Variants in ELMO1 observed in about 807,000 individuals in gnomAD.
ELMO1 encodes engulfment and cell motility 1.
Under a neutral mutation model 98.9 loss-of-function variants are expected in ELMO1, and 26 were observed. The observed-to-expected ratio is 0.26, with a 90% confidence interval of 0.19 to 0.36. ELMO1 has a LOEUF of 0.36. Ranked by LOEUF, ELMO1 falls within the 10% of genes least tolerant of loss-of-function variation. The pLI is 1.00. For missense variants in ELMO1, 627 were observed against 935.2 expected, an observed-to-expected ratio of 0.67 and a Z score of 4.30; for synonymous variants, 346 against 346.0, an observed-to-expected ratio of 1.00 and a Z score of 0.00.
chr7:37,127,825 G>A (rs142313410), intron 14 of ELMO1, among the ~76,000 whole-genome samples: 125 of 152,230 alleles, frequency 8.2e-4, no homozygotes, highest in African/African-American at 2.8e-3. Flanking sequence ...GGCCAGCATA[G>A]GTCTTCAGCC....
intron 16 of ELMO1, among the ~76,000 whole-genome samples, chr7:36,924,149 T>C: frequency 6.6e-6 from 1 of 152,200 alleles, no homozygotes; most frequent in East Asian, 1.9e-4. Flanking sequence ...ACTTCCAAAG[T>C]CTAAATTTAG....
intron 13 of ELMO1, among the ~76,000 whole-genome samples, chr7:37,194,190 C>G (rs146123200): frequency 4.6e-5 from 7 of 152,316 alleles, no homozygotes; most frequent in Non-Finnish European, 8.8e-5. Context: ...AAATCTCAAG[C>G]AAATGTTAAC....
chr7:37,224,364 A>T (rs1403520903), intron 9 of ELMO1, among the ~76,000 whole-genome samples: 1 of 152,228 alleles, frequency 6.6e-6, no homozygotes, highest in Non-Finnish European at 1.5e-5. Flanking sequence ...AAGCCACTAG[A>T]AAAAATCCTA....
intron 15 of ELMO1, among the ~76,000 whole-genome samples, chr7:37,073,539 G>A (rs116804873): frequency 0.015 from 2,316 of 151,346 alleles, 61 homozygotes; most frequent in African/African-American, 0.054. Flanking sequence ...TTTCAACAGC[G>A]GACAAGCATC....
chr7:37,059,850 C>G (rs1021933250), intron 15 of ELMO1, among the ~76,000 whole-genome samples: 2 of 152,154 alleles, frequency 1.3e-5, no homozygotes, highest in African/African-American at 4.8e-5. Context: ...ATGTGAAAAG[C>G]GAAAGGGATG....
At position 37,122,233 on chromosome 7, in the gene ELMO1, G is replaced by A. The variant is rs570681824; in HGVS notation, c.1191+10897C>T. Among the ~76,000 whole-genome samples the A allele has an allele frequency of 3.4e-4, 52 of 152,230 alleles. No homozygotes were observed. The South Asian group carries it at 8.9e-3, about 26-fold the overall frequency. On this transcript the variant is annotated intron_variant, in intron 14 of 21. Coordinates refer to ENST00000310758, the MANE Select transcript of ELMO1 (RefSeq NM_014800.11). Reference sequence around the variant, plus strand: ...CTAGGAAGAAACTGCATCAACTAACGAGCAAAATAACCAGCCAACATCATA... The same window carrying A: ...CTAGGAAGAAACTGCATCAACTAACAAGCAAAATAACCAGCCAACATCATA...
chr7:37,363,429 C>A (rs936122889), intron 1 of ELMO1, among the ~76,000 whole-genome samples: 1 of 152,146 alleles, frequency 6.6e-6, no homozygotes, highest in Non-Finnish European at 1.5e-5. Context: ...TTAACATGGC[C>A]CGCAAAGGCC....
intron 15 of ELMO1, among the ~76,000 whole-genome samples, chr7:37,079,499 T>A (rs59918006): frequency 6.6e-6 from 1 of 152,014 alleles, no homozygotes; most frequent in African/African-American, 2.4e-5. Flanking sequence ...CAGCCATCAG[T>A]GGCCCACACT....
intron 13 of ELMO1, among the ~76,000 whole-genome samples, chr7:37,161,905 A>AATATATATATATAT (rs6150082): frequency 0.026 from 1,085 of 42,322 alleles, 146 homozygotes; most frequent in Non-Finnish European, 0.036. Context: ...CAGGTAATCA[A>AATATATATATATAT]ATATATATAT....
intron 15 of ELMO1, among the ~76,000 whole-genome samples, chr7:37,028,978 CT>C (rs77715230): frequency 0.11 from 16,936 of 152,138 alleles, 1,059 homozygotes; most frequent in Middle Eastern, 0.2. Flanking sequence ...TTATGTAGTT[CT>C]CCTATGAACT....
intron 1 of ELMO1, among the ~76,000 whole-genome samples, chr7:37,417,683 C>CACACACACACAA (rs753914608): frequency 3.4e-5 from 5 of 146,332 alleles, no homozygotes; most frequent in South Asian, 2.3e-4. Flanking sequence ...CACACACACA[C>CACACACACACAA]AAGCAAAAAT....
intron 1 of ELMO1, among the ~76,000 whole-genome samples, chr7:37,438,383 C>T (rs1008812994): frequency 3.4e-5 from 5 of 146,586 alleles, no homozygotes; most frequent in Admixed American, 1.4e-4. Flanking sequence ...GTCAGGAGAT[C>T]GAGACCATCC....
chr7:37,001,631 T>C (rs1792677228), intron 16 of ELMO1, among the ~76,000 whole-genome samples: 1 of 152,224 alleles, frequency 6.6e-6, no homozygotes, highest in South Asian at 2.1e-4. Flanking sequence ...ATGGTAACTA[T>C]CTTGCTAAGG....
At chr7:36,887,403 G>T (rs1043739241) in intron 18 of ELMO1, among the ~76,000 whole-genome samples, 157 bp downstream of exon 18, 2 of 152,084 alleles carry the variant, frequency 1.3e-5, no homozygotes, top group African/African-American at 4.8e-5. Flanking sequence ...TTCTCTCTGG[G>T]TGTGCATGGG....
intron 17 of ELMO1, among the ~76,000 whole-genome samples, chr7:36,892,342 G>A (rs73689679): frequency 1.3e-5 from 2 of 152,204 alleles, no homozygotes; most frequent in African/African-American, 2.4e-5. Flanking sequence ...TTTTCAGCTC[G>A]AAAATCCCAA....
chr7:37,323,230 G>T (rs10236392), intron 2 of ELMO1, among the ~76,000 whole-genome samples: 148,156 of 152,326 alleles, frequency 0.97, 72,201 homozygotes, highest in Middle Eastern at 1. Context: ...CAAAGTACCA[G>T]GTGTCAATAG....
intron 14 of ELMO1, among the ~76,000 whole-genome samples, chr7:37,125,986 T>C (rs139925687): frequency 0.023 from 3,456 of 152,266 alleles, 137 homozygotes; most frequent in African/African-American, 0.079. Flanking sequence ...GATGAGGTCA[T>C]GTCCTTTGTA....
At chr7:37,289,740 T>A (rs1186052409) in intron 4 of ELMO1, among the ~76,000 whole-genome samples, 3 of 151,352 alleles carry the variant, frequency 2.0e-5, no homozygotes, top group Admixed American at 6.6e-5. Context: ...TGCATTGCAT[T>A]CGAGATTTTT....
At chr7:37,223,603 G>A (rs1283716927) in intron 9 of ELMO1, among the ~76,000 whole-genome samples, 1 of 152,222 alleles carries the variant, frequency 6.6e-6, no homozygotes, top group East Asian at 1.9e-4. Flanking sequence ...GCTTTGGGAT[G>A]AAGATGTGTG....
Sources: allele counts gnomAD v4.1 joint callset (sites outside exome capture counted in the v4.1 genomes callset), GRCh38; gene constraint gnomAD v4.1.1; transcripts MANE v1.5; gene names NCBI Gene and HGNC (gene_info 2026-07-23, HGNC 2026-07-21).